Variants in MYO16 observed in about 807,000 individuals in gnomAD.
MYO16 encodes unconventional myosin-XVI.
Under a neutral mutation model 205.3 loss-of-function variants are expected in MYO16, and 94 were observed. The ratio of observed to expected loss-of-function variants is 0.46; its 90% CI spans 0.39 to 0.54. The LOEUF is 0.54. MYO16 is among the 20% of genes least tolerant of loss of function. MYO16 has a pLI of 0.00. For missense variants in MYO16, 2,315 were observed against 2,387.5 expected (o/e 0.97, Z 0.63); for synonymous variants, 988 against 954.0 (o/e 1.04, Z -0.66).
Position 108,629,697 on chromosome 13 carries a change from T to C in MYO16, c.-148T>C, listed in dbSNP as rs998102827. 35 of 657,948 alleles carry C rather than the reference T, an allele frequency of 5.3e-5. No individual in the cohort carries two copies. The highest frequency in any genetic ancestry group is 5.5e-5 in the Non-Finnish European group (22 of 396,796). 40.8% of individuals were successfully genotyped at this position (657,948 alleles called of 1,614,324 possible). A position where few individuals can be genotyped will look rare whatever the true frequency, so the allele number is the denominator to read the frequency against. ...AATGAGTTTGAAGCTTTTTGCAGGA[T>C]CATGGAACAGAGCCTCCATGCAATA... On this transcript the variant is annotated 5_prime_UTR_variant, in exon 1 of 35. Transcript: ENST00000457511.
At chr13:108,891,570 A>G (rs1273075307) in intron 14 of MYO16, among the ~76,000 whole-genome samples, 1 of 152,230 alleles carries the variant, frequency 6.6e-6, no homozygotes, top group Non-Finnish European at 1.5e-5. Flanking sequence ...ATGCATGTAC[A>G]CATCATAGGC....
chr13:108,639,639 G>C (rs1880412636), intron 1 of MYO16, among the ~76,000 whole-genome samples: 1 of 152,134 alleles, frequency 6.6e-6, no homozygotes, highest in Non-Finnish European at 1.5e-5. Flanking sequence ...CACTAAGATG[G>C]AATTCTTAGG....
chr13:109,112,939 T>A (rs1439293568), intron 28 of MYO16, among the ~76,000 whole-genome samples: 1 of 152,186 alleles, frequency 6.6e-6, no homozygotes. Context: ...CTTATAAATA[T>A]CTCACAGTTA....
At chr13:109,128,392 TG>T (rs986931450) in intron 31 of MYO16, among the ~76,000 whole-genome samples, 1 of 152,170 alleles carries the variant, frequency 6.6e-6, no homozygotes, top group Non-Finnish European at 1.5e-5. Flanking sequence ...AGATTCTAAA[TG>T]AAACGGCTGG....
At chr13:108,965,531 C>G (rs780926247) in intron 20 of MYO16, among the ~76,000 whole-genome samples, 6 of 152,168 alleles carry the variant, frequency 3.9e-5, no homozygotes, top group Non-Finnish European at 7.4e-5. Flanking sequence ...CTCAGCCTCC[C>G]AAGTAGCTGG....
the MYO16 span, among the ~76,000 whole-genome samples, chr13:108,497,759 C>A: frequency 0.016 from 2,393 of 152,216 alleles, 60 homozygotes; most frequent in African/African-American, 0.054. Flanking sequence ...CCCCCCTGGC[C>A]TGAGAATGCT....
intron 4 of MYO16, among the ~76,000 whole-genome samples, chr13:108,776,738 G>A (rs994049394): frequency 2.6e-4 from 40 of 152,134 alleles, no homozygotes; most frequent in Admixed American, 1.3e-4. Context: ...CCTTGCACCA[G>A]TAATATATTA....
At chr13:108,562,528 G>A in the MYO16 span, among the ~76,000 whole-genome samples, 7 of 152,190 alleles carry the variant, frequency 4.6e-5, no homozygotes, top group Middle Eastern at 3.4e-3. Context: ...ATATAACAGC[G>A]TCCCACTTCT....
chr13:109,201,753 C>T (rs1880404388), intron 34 of MYO16, among the ~76,000 whole-genome samples: 1 of 152,154 alleles, frequency 6.6e-6, no homozygotes, highest in South Asian at 2.1e-4. Context: ...ATCATGCCCT[C>T]CCACCCTTTC....
chr13:109,065,501 A>G (rs1887717311), intron 27 of MYO16: 6 of 419,480 alleles, frequency 1.4e-5, no homozygotes, highest in South Asian at 8.7e-5. Flanking sequence ...TAGAATTGAA[A>G]GAAAGGGTAA....
upstream of MYO16, among the ~76,000 whole-genome samples, chr13:108,591,670 A>AT (rs1487776517): frequency 6.6e-6 from 1 of 152,172 alleles, no homozygotes; most frequent in African/African-American, 2.4e-5. Flanking sequence ...TGGGGTTTTA[A>AT]TGTTGTTGAG....
At position 109,141,243 on chromosome 13, in the gene MYO16, GC is replaced by G; in HGVS notation, c.5037del (p.Ala1680ArgfsTer48). 2.5e-6 allele frequency: 4 copies of G among 1,605,776 alleles called. No homozygotes were observed. Among genetic ancestry groups the G allele is most frequent in the East Asian group, 4.6e-5 (2 of 43,670 alleles). On this transcript the variant is annotated frameshift_variant, in exon 32 of 35. Transcript: ENST00000457511. LOFTEE classifies it high-confidence loss of function. This position sits in a 1 kb window ranked among gnomAD's most constrained non-coding sequence, Gnocchi z 4.1. The stretch of plus-strand genomic sequence containing the variant: ...CCAGGAAGGCCGGCTCCAGTGCCTC[GC>G]CCCCCGCGCCCTACAGCCCTCCCAG... ...DARKAGSSAS[P>X]PAPYSPPSSR...
chr13:109,140,872 C>T lies in MYO16; in HGVS notation c.4660C>T (p.Pro1554Ser), dbSNP rs2139808182. 3 of 1,596,108 alleles carry T rather than the reference C, an allele frequency of 1.9e-6. No homozygotes were observed. Among genetic ancestry groups the T allele is most frequent in the South Asian group, 2.2e-5 (2 of 88,958 alleles). The change falls in exon 32 of 35, where the codon CCG becomes TCG. Residue 1554 changes from proline (P) to serine (S), a missense_variant. Pro to Ser is a moderately conservative substitution (Grantham distance 74). Coordinates refer to ENST00000457511, the MANE Select transcript of MYO16 (RefSeq NM_001198950.3). The surrounding 1 kb of genome is among the most constrained non-coding windows in gnomAD (Gnocchi z 8.0). ...GACCAACCTCAAGTACCCCGTGCAG[C>T]CGGAGGGGTCGAGCCCGCTGTCCCC... is the stretch of plus-strand genomic sequence containing the variant. Reference protein sequence around the residue: ...LETNLKYPVQPEGSSPLSPQY... With the variant: ...LETNLKYPVQSEGSSPLSPQY...
Position 109,140,006 on chromosome 13 carries a change from C to A in MYO16, c.4052-258C>A, listed in dbSNP as rs1025436095. The stretch of plus-strand genomic sequence containing the variant: ...GGTGGTCTCCTTCCTCACTGGAACC[C>A]CTTGACGTTCCACTGGACAACCTCC... On this transcript the variant is annotated intron_variant, in intron 31 of 34. Coordinates refer to ENST00000457511, the MANE Select transcript of MYO16 (RefSeq NM_001198950.3). This position sits in a 1 kb window ranked among gnomAD's most constrained non-coding sequence, Gnocchi z 8.0. 6.6e-6 allele frequency among the ~76,000 whole-genome samples: 1 copy of A among 152,054 alleles called. No homozygotes were observed. Among genetic ancestry groups the A allele is most frequent in the African/African-American group, 2.4e-5 (1 of 41,400 alleles).
chr13:109,186,885 C>T (rs2146978), intron 34 of MYO16, among the ~76,000 whole-genome samples: 4 of 152,054 alleles, frequency 2.6e-5, no homozygotes, highest in Admixed American at 6.5e-5. Context: ...CCCAAGATTC[C>T]CCTAGAAATG....
chr13:109,144,162 C>A (rs769837012), intron 32 of MYO16, among the ~76,000 whole-genome samples: 1 of 151,900 alleles, frequency 6.6e-6, no homozygotes, highest in Non-Finnish European at 1.5e-5. Context: ...TTACAAGCGC[C>A]CACTACCATG....
At chr13:108,555,852 G>C in the MYO16 span, among the ~76,000 whole-genome samples, 1 of 152,014 alleles carries the variant, frequency 6.6e-6, no homozygotes, top group Non-Finnish European at 1.5e-5. Context: ...TGTGGTATTT[G>C]TCATTTTGTT....
intron 1 of MYO16, among the ~76,000 whole-genome samples, chr13:108,657,637 T>C (rs533866542): frequency 8.5e-5 from 13 of 152,298 alleles, no homozygotes; most frequent in African/African-American, 3.1e-4. Context: ...GAACATCTTT[T>C]GTTAGGTTTG....
chr13:108,496,548 G>A, the MYO16 span, among the ~76,000 whole-genome samples: 4 of 152,174 alleles, frequency 2.6e-5, no homozygotes, highest in Non-Finnish European at 5.9e-5. Context: ...GTCTCACCCG[G>A]GGGGCGTCGA....
Sources: gnomAD v4.1 joint callset for allele counts (sites outside exome capture counted in the v4.1 genomes callset) on GRCh38, gnomAD v4.1.1 for gene constraint, Gnocchi (gnomAD v3.1) non-coding constraint, MANE v1.5 for transcripts, NCBI Gene and HGNC (gene_info 2026-07-23, HGNC 2026-07-21) for gene names.